The following NMNAT3 variants were observed in gnomAD, a reference collection of about 807,000 sequenced individuals.
The protein encoded by NMNAT3 is nicotinamide/nicotinic acid mononucleotide adenylyltransferase 3.
In NMNAT3, 21 loss-of-function variants were observed where a neutral mutation model predicts 24.8. The ratio of observed to expected loss-of-function variants is 0.85; its 90% CI spans 0.60 to 1.22. The LOEUF (loss-of-function observed/expected upper bound fraction) is 1.22. Among genes scored for constraint, NMNAT3 ranks in the 50% most tolerant of loss-of-function variants. NMNAT3 has a pLI of 0.00. For missense variants in NMNAT3, 387 were observed against 436.6 expected (o/e 0.89, Z 1.01); for synonymous variants, 136 against 155.2 (o/e 0.88, Z 0.92).
At chr3:139,606,366 T>C (rs1221330825) in intron 3 of NMNAT3, among the ~76,000 whole-genome samples, 1 of 152,184 alleles carries the variant, frequency 6.6e-6, no homozygotes, top group East Asian at 1.9e-4. Flanking sequence ...CTTATTCACC[T>C]TAGGCAAGAA....
At position 139,561,322 on chromosome 3, in the gene NMNAT3, C is replaced by T; in HGVS notation, c.729G>A (p.Lys243=). 8 of 1,614,142 alleles carry T rather than the reference C, an allele frequency of 5.0e-6. No homozygotes were observed. The highest frequency in any genetic ancestry group is 5.9e-6 in the Non-Finnish European group (7 of 1,180,024). ...CCACTATTTCCTGGATGTGCGCATCCTTCCAGAGGTTGGGGGTCTGGAAGG... is the reference window on the plus strand; with the variant it reads ...CCACTATTTCCTGGATGTGCGCATCTTTCCAGAGGTTGGGGGTCTGGAAGG... The change falls in exon 7 of 7, where the codon AAG becomes AAA. Residue 243 remains lysine, a synonymous_variant. Transcript: ENST00000643695.
At chr3:139,579,637 G>T (rs1021952637) in intron 4 of NMNAT3, among the ~76,000 whole-genome samples, 1 of 152,178 alleles carries the variant, frequency 6.6e-6, no homozygotes, top group Non-Finnish European at 1.5e-5. Flanking sequence ...GCCATGGACT[G>T]TGCTCACTAA....
At chr3:139,590,993 G>A (rs866218744) in intron 3 of NMNAT3, among the ~76,000 whole-genome samples, 8 of 152,056 alleles carry the variant, frequency 5.3e-5, no homozygotes, top group Admixed American at 3.3e-4. Flanking sequence ...GAACAGCTCC[G>A]GTCTACAGCT....
At chr3:139,651,230 C>T (rs971775751) in intron 1 of NMNAT3, among the ~76,000 whole-genome samples, 5 of 152,030 alleles carry the variant, frequency 3.3e-5, no homozygotes, top group African/African-American at 1.2e-4. Context: ...ATATAAATAC[C>T]CGCACAGCAT....
rs1414834944 is a variant in NMNAT3 at position 139,573,688 on chromosome 3, G to T, written c.576-8C>A. The T allele has an allele frequency of 9.7e-6, 15 of 1,549,772 alleles. No homozygotes were observed. The highest frequency in any genetic ancestry group is 1.3e-5 in the Non-Finnish European group (15 of 1,138,180). On this transcript the variant is annotated splice_region_variant and splice_polypyrimidine_tract_variant and intron_variant, in intron 5 of 6. Coordinates refer to ENST00000643695, the MANE Select transcript of NMNAT3 (RefSeq NM_001320510.2). ...AGTTTGCTGTGATGATGCCTGTGTT[G>T]TAAACATATGGGCTCAGGGTATGTC... is the stretch of plus-strand genomic sequence containing the variant.
intron 6 of NMNAT3, chr3:139,569,410 G>A (rs1423017022): frequency 1.6e-4 from 25 of 152,264 alleles, no homozygotes; most frequent in African/African-American, 5.3e-4. Context: ...TATTTTGCTC[G>A]TTAGTTGATG....
At chr3:139,577,759 T>C (rs1939557365) in intron 5 of NMNAT3, 1 of 152,226 alleles carries the variant, frequency 6.6e-6, no homozygotes, top group Non-Finnish European at 1.5e-5. Context: ...TAACAATTAT[T>C]TTATAATGGC....
intron 1 of NMNAT3, among the ~76,000 whole-genome samples, chr3:139,661,298 G>C (rs1380719554): frequency 6.6e-6 from 1 of 152,130 alleles, no homozygotes; most frequent in Non-Finnish European, 1.5e-5. Flanking sequence ...GCTGCGTCTA[G>C]CTCAGCCTAA....
chr3:139,619,186 C>T (rs2055646719), intron 3 of NMNAT3, among the ~76,000 whole-genome samples: 1 of 152,098 alleles, frequency 6.6e-6, no homozygotes, highest in Admixed American at 6.6e-5. Context: ...GCAATTTAAC[C>T]AACTCTATTT....
At chr3:139,622,848 T>TTA (rs61508216) in intron 3 of NMNAT3, among the ~76,000 whole-genome samples, 35,493 of 136,138 alleles carry the variant, frequency 0.26, 5,091 homozygotes, top group African/African-American at 0.37. Flanking sequence ...ATTATATATA[T>TTA]TATATATATA....
chr3:139,587,043 G>A (rs1349510427), intron 3 of NMNAT3, among the ~76,000 whole-genome samples: 1 of 152,218 alleles, frequency 6.6e-6, no homozygotes, highest in African/African-American at 2.4e-5. Flanking sequence ...GAGCAGTGGA[G>A]TTTATATTTT....
chr3:139,660,158 C>T lies in NMNAT3; in HGVS notation c.-141+17547G>A, dbSNP rs146968416. Among the ~76,000 whole-genome samples, 722 of 152,294 alleles carry T rather than the reference C, an allele frequency of 4.7e-3. 8 individuals are homozygous for T. Among genetic ancestry groups the T allele is most frequent in the African/African-American group, 0.017 (697 of 41,560 alleles). ...CCAGCTCCTGGGAAGCCCCTCTCCTCCTGAGTACAGACAGGGTGGGTCGGT... is the reference window on the plus strand; with the variant it reads ...CCAGCTCCTGGGAAGCCCCTCTCCTTCTGAGTACAGACAGGGTGGGTCGGT... On this transcript the variant is annotated intron_variant, in intron 1 of 6. Coordinates refer to ENST00000643695, the MANE Select transcript of NMNAT3 (RefSeq NM_001320510.2).
chr3:139,654,536 C>CA lies in NMNAT3; in HGVS notation c.-140-16475dup, dbSNP rs200883645. ...CAAAAATAAGATGCAAAGCAGCAAA[C>CA]ACATTGCTGTCCTGATTATGGTACA... On this transcript the variant is annotated intron_variant, in intron 1 of 6. Transcript: ENST00000643695. Among the ~76,000 whole-genome samples the CA allele has an allele frequency of 1.5e-3, 228 of 152,316 alleles. 1 individual carries two copies. The highest frequency in any genetic ancestry group is 5.0e-3 in the African/African-American group (207 of 41,580).
chr3:139,601,493 A>G (rs1257176176), intron 3 of NMNAT3, among the ~76,000 whole-genome samples: 1 of 152,236 alleles, frequency 6.6e-6, no homozygotes, highest in Non-Finnish European at 1.5e-5. Context: ...TGGAAAGCAC[A>G]CTAGAAATAT....
At chr3:139,583,477 T>C in intron 3 of NMNAT3, 1 of 1,602,756 alleles carries the variant, frequency 6.2e-7, no homozygotes, top group African/African-American at 1.3e-5. Flanking sequence ...ATGCTAAACA[T>C]AAGTTTTGAA....
At chr3:139,662,041 T>A (rs568067662) in intron 1 of NMNAT3, among the ~76,000 whole-genome samples, 1 of 152,060 alleles carries the variant, frequency 6.6e-6, no homozygotes, top group Non-Finnish European at 1.5e-5. Flanking sequence ...AAGAAGCAAG[T>A]GTGTCCCATC....
chr3:139,634,515 G>A (rs2056427011), intron 2 of NMNAT3, 96 bp downstream of exon 3: 1 of 152,146 alleles, frequency 6.6e-6, no homozygotes, highest in Middle Eastern at 3.2e-3. Context: ...GACTTCTCTA[G>A]GGCAATCAAC....
intron 3 of NMNAT3, among the ~76,000 whole-genome samples, chr3:139,595,089 A>G (rs1464070292): frequency 6.6e-6 from 1 of 152,234 alleles, no homozygotes; most frequent in Non-Finnish European, 1.5e-5. Flanking sequence ...AAATCTCCTT[A>G]AGCTGATAAA....
intron 3 of NMNAT3, among the ~76,000 whole-genome samples, chr3:139,610,568 G>T (rs1335009014): frequency 1.3e-5 from 2 of 152,180 alleles, no homozygotes; most frequent in African/African-American, 2.4e-5. Context: ...CCAGGCTGGA[G>T]AATTTTCCAT....
Sources: allele counts gnomAD v4.1 joint callset (sites outside exome capture counted in the v4.1 genomes callset), GRCh38; gene constraint gnomAD v4.1.1; transcripts MANE v1.5; gene names NCBI Gene and HGNC (gene_info 2026-07-23, HGNC 2026-07-21).